CHN2: variants seen among roughly 807,000 people sequenced by gnomAD.
The protein encoded by CHN2 is chimerin 2.
CHN2 carries 35 observed loss-of-function variants against 56.3 expected under a neutral mutation model. That is an observed-to-expected ratio of 0.62 (90% CI 0.47 to 0.82). The LOEUF (loss-of-function observed/expected upper bound fraction) is 0.82, where lower values mean the gene tolerates loss of function less well. Ranked by LOEUF, CHN2 falls within the 40% of genes least tolerant of loss-of-function variation. CHN2 has a pLI of 0.00. For synonymous variants in CHN2, 210 were observed against 212.8 expected, an observed-to-expected ratio of 0.99 and a Z score of 0.12; for missense variants, 491 against 580.5, an observed-to-expected ratio of 0.85 and a Z score of 1.58.
chr7:29,377,194 T>C (rs1800140150), intron 3 of CHN2, among the ~76,000 whole-genome samples: 1 of 152,172 alleles, frequency 6.6e-6, no homozygotes, highest in Non-Finnish European at 1.5e-5. Context: ...TGGCTAATTT[T>C]TGTATTTTTA....
intron 2 of CHN2, among the ~76,000 whole-genome samples, chr7:29,186,837 C>T (rs1412332959): frequency 3.3e-5 from 5 of 151,918 alleles, no homozygotes; most frequent in African/African-American, 7.3e-5. Context: ...CAAATTAATG[C>T]CTGTAACCTT....
intron 1 of CHN2, among the ~76,000 whole-genome samples, chr7:29,211,216 G>A (rs1184568252): frequency 2.6e-5 from 4 of 151,450 alleles, no homozygotes; most frequent in African/African-American, 7.3e-5. Flanking sequence ...GACTAAAGGC[G>A]CCTGCCACCA....
intron 6 of CHN2, among the ~76,000 whole-genome samples, chr7:29,408,407 G>A (rs1346578617): frequency 6.6e-6 from 1 of 152,034 alleles, no homozygotes; most frequent in Admixed American, 6.5e-5. Flanking sequence ...TTTCTTTCAA[G>A]GACACCTGTC....
intron 2 of CHN2, among the ~76,000 whole-genome samples, chr7:29,161,001 T>C (rs1200291985): frequency 1.3e-5 from 2 of 152,208 alleles, no homozygotes; most frequent in African/African-American, 2.4e-5. Context: ...TTTTTCCTGC[T>C]TTTTTAAACT....
At chr7:29,151,013 C>G (rs921862590) in intron 2 of CHN2, among the ~76,000 whole-genome samples, 2 of 152,148 alleles carry the variant, frequency 1.3e-5, no homozygotes, top group Admixed American at 6.5e-5. Context: ...TGCACCTCAG[C>G]TATAAGCATT....
chr7:29,428,581 A>G (rs1227691025), intron 6 of CHN2, among the ~76,000 whole-genome samples: 4 of 152,192 alleles, frequency 2.6e-5, no homozygotes, highest in East Asian at 1.9e-4. Flanking sequence ...ATATTCTTCA[A>G]CCAACACAAC....
intron 6 of CHN2, among the ~76,000 whole-genome samples, chr7:29,413,968 G>A (rs577179200): frequency 1.3e-5 from 2 of 152,330 alleles, no homozygotes; most frequent in South Asian, 2.1e-4. Flanking sequence ...GAGAAGAGAT[G>A]TGTTCATTAC....
intron 6 of CHN2, among the ~76,000 whole-genome samples, chr7:29,415,080 C>A (rs1200011048): frequency 6.6e-6 from 1 of 152,188 alleles, no homozygotes; most frequent in Admixed American, 6.5e-5. Context: ...ATTAAATATT[C>A]ATTGAGCCCC....
chr7:29,226,474 C>T (rs935496766), intron 1 of CHN2, among the ~76,000 whole-genome samples: 3 of 152,148 alleles, frequency 2.0e-5, no homozygotes, highest in Admixed American at 1.3e-4. Context: ...TTAGTTCCAT[C>T]TTGGAAACGT....
chr7:29,182,086 C>A (rs1798130631), intron 2 of CHN2, among the ~76,000 whole-genome samples: 2 of 152,110 alleles, frequency 1.3e-5, no homozygotes, highest in Non-Finnish European at 2.9e-5. Flanking sequence ...TTTAAAAAGA[C>A]AATATTCCTT....
intron 6 of CHN2, among the ~76,000 whole-genome samples, chr7:29,459,981 G>A (rs1208834517): frequency 6.6e-5 from 10 of 152,164 alleles, no homozygotes; most frequent in South Asian, 2.1e-4. Context: ...CAAGTCAGGC[G>A]TGGCTGCCCC....
At chr7:29,263,684 C>T (rs1464716697) in intron 1 of CHN2, among the ~76,000 whole-genome samples, 1 of 150,380 alleles carries the variant, frequency 6.6e-6, no homozygotes, top group African/African-American at 2.5e-5. Context: ...GCCGTCATCC[C>T]GTCTAGGAAG....
At chr7:29,290,736 G>C (rs934075989) in intron 1 of CHN2, among the ~76,000 whole-genome samples, 3 of 152,142 alleles carry the variant, frequency 2.0e-5, no homozygotes, top group Non-Finnish European at 4.4e-5. Context: ...AGTGTTAATG[G>C]TGGCAAATCC....
chr7:29,341,325 A>T (rs1208399595), intron 1 of CHN2, among the ~76,000 whole-genome samples: 1 of 152,172 alleles, frequency 6.6e-6, no homozygotes, highest in Admixed American at 6.5e-5. Flanking sequence ...CATGGGCCAG[A>T]GTGACTGGCT....
intron 1 of CHN2, among the ~76,000 whole-genome samples, chr7:29,215,915 A>G (rs1455300117): frequency 2.0e-5 from 3 of 152,164 alleles, no homozygotes; most frequent in East Asian, 3.9e-4. Flanking sequence ...AGTGGAAATG[A>G]TATCATTTAA....
intron 7 of CHN2, among the ~76,000 whole-genome samples, chr7:29,482,668 G>A (rs1208283546): frequency 1.3e-5 from 2 of 151,676 alleles, no homozygotes; most frequent in Non-Finnish European, 2.9e-5. Context: ...TTCTTGATTT[G>A]TAATTCGGGT....
intron 6 of CHN2, among the ~76,000 whole-genome samples, chr7:29,447,580 C>T (rs561077633): frequency 1.3e-5 from 2 of 152,132 alleles, no homozygotes; most frequent in East Asian, 3.9e-4. Context: ...ACCCAGAGAT[C>T]CAAGAATCTT....
rs533683414 is a variant in CHN2, at chr7:29,233,198, C to T, written c.49+38208C>T. Among the ~76,000 whole-genome samples, 188 of 152,232 alleles carry T rather than the reference C, an allele frequency of 1.2e-3. 1 individual carries two copies. Among genetic ancestry groups the T allele is most frequent in the African/African-American group, 4.4e-3 (181 of 41,544 alleles). The stretch of plus-strand genomic sequence containing the variant: ...ACACAGGTTCTTTGTGCCTCATTTC[C>T]TTTTCTCTATAATAGTGATAATCAT... On this transcript the variant is annotated intron_variant, in intron 1 of 12. Coordinates refer to ENST00000222792, the MANE Select transcript of CHN2 (RefSeq NM_004067.4).
intron 1 of CHN2, among the ~76,000 whole-genome samples, chr7:29,236,825 C>T (rs575005894): frequency 6.6e-6 from 1 of 152,144 alleles, no homozygotes; most frequent in Non-Finnish European, 1.5e-5. Context: ...GCTCATGGCC[C>T]CACATCACCC....
Sources: gnomAD v4.1 joint callset for allele counts (sites outside exome capture counted in the v4.1 genomes callset) on GRCh38, gnomAD v4.1.1 for gene constraint, MANE v1.5 for transcripts, NCBI Gene and HGNC (gene_info 2026-07-23, HGNC 2026-07-21) for gene names.